PDE1A: variants seen among roughly 807,000 people sequenced by gnomAD.
PDE1A encodes the protein dual specificity calcium/calmodulin-dependent 3',5'-cyclic nucleotide phosphodiesterase 1A.
In PDE1A, 35 loss-of-function variants were observed where a neutral mutation model predicts 61.7. That is an observed-to-expected ratio of 0.57 (90% CI 0.43 to 0.75). The LOEUF is 0.75. Ranked by LOEUF, PDE1A falls within the 30% of genes least tolerant of loss-of-function variation. The pLI is 0.00. For synonymous variants in PDE1A, 232 were observed against 213.2 expected, an observed-to-expected ratio of 1.09 and a Z score of -0.77; for missense variants, 597 against 630.6, an observed-to-expected ratio of 0.95 and a Z score of 0.57.
chr2:182,602,156 C>A, the PDE1A span, among the ~76,000 whole-genome samples: 1 of 152,240 alleles, frequency 6.6e-6, no homozygotes, highest in Non-Finnish European at 1.5e-5. Context: ...GCAGGCATTT[C>A]TGAGCCTATG....
chr2:182,422,060 G>T (rs1413549024), intron 1 of PDE1A, among the ~76,000 whole-genome samples: 1 of 152,170 alleles, frequency 6.6e-6, no homozygotes, highest in African/African-American at 2.4e-5. Flanking sequence ...TCTGAATGCT[G>T]TGAAGATCCC....
chr2:182,524,585 A>T (rs1185904863), upstream of PDE1A, among the ~76,000 whole-genome samples: 1 of 152,152 alleles, frequency 6.6e-6, no homozygotes, highest in African/African-American at 2.4e-5. Flanking sequence ...TCATTTCATT[A>T]AATGTTTCAT....
At chr2:182,303,400 T>C (rs1025215324) in intron 1 of PDE1A, among the ~76,000 whole-genome samples, 3 of 152,220 alleles carry the variant, frequency 2.0e-5, no homozygotes, top group Non-Finnish European at 4.4e-5. Flanking sequence ...CAATGAGTAG[T>C]GACATTTGAA....
chr2:182,383,881 C>T (rs1016210933), intron 1 of PDE1A, among the ~76,000 whole-genome samples: 5 of 152,164 alleles, frequency 3.3e-5, no homozygotes, highest in Admixed American at 3.3e-4. Context: ...CAGGACTTTG[C>T]CTTGGATTCC....
At position 182,501,708 on chromosome 2, in the gene PDE1A, T is replaced by C. The variant is rs192747244; in HGVS notation, c.101+20568A>G. Reference sequence around the variant, plus strand: ...GCCCTATTCTAGCAATTCATTACCGTCTTCTCTACCACCAATTCATTGACC... The same window carrying C: ...GCCCTATTCTAGCAATTCATTACCGCCTTCTCTACCACCAATTCATTGACC... On this transcript the variant is annotated intron_variant, in intron 2 of 14. Transcript: ENST00000410103. 1.5e-3 allele frequency among the ~76,000 whole-genome samples: 221 copies of C among 152,314 alleles called. 2 individuals are homozygous for C. Among genetic ancestry groups the C allele is most frequent in the African/African-American group, 5.1e-3 (212 of 41,582 alleles).
the PDE1A span, among the ~76,000 whole-genome samples, chr2:182,530,331 ATGCC>A: frequency 6.6e-6 from 1 of 152,144 alleles, no homozygotes; most frequent in Non-Finnish European, 1.5e-5. Flanking sequence ...AGATGAAAAG[ATGCC>A]AGATGAAAAG....
chr2:182,557,848 G>A, the PDE1A span, among the ~76,000 whole-genome samples: 1 of 152,076 alleles, frequency 6.6e-6, no homozygotes, highest in Non-Finnish European at 1.5e-5. Flanking sequence ...AACATCCATA[G>A]CTTGAGCAAA....
chr2:182,626,724 T>TATATATATACATATATATATAC, the PDE1A span, among the ~76,000 whole-genome samples: 5 of 13,128 alleles, frequency 3.8e-4, 1 homozygote, highest in Admixed American at 5.2e-3. Flanking sequence ...GCTTTATATA[T>TATATATATACATATATATATAC]ATATATATAT....
the PDE1A span, among the ~76,000 whole-genome samples, chr2:182,616,440 A>C: frequency 6.6e-6 from 1 of 152,248 alleles, no homozygotes; most frequent in Admixed American, 6.5e-5. Context: ...GAAGATACCC[A>C]CTGTAAGGAT....
At chr2:182,282,376 C>A (rs939595938) in intron 1 of PDE1A, among the ~76,000 whole-genome samples, 1 of 151,914 alleles carries the variant, frequency 6.6e-6, no homozygotes, top group African/African-American at 2.4e-5. Context: ...ATGTTCTGCC[C>A]TAATTTTAGC....
chr2:182,512,120 G>A (rs913895366), intron 2 of PDE1A, among the ~76,000 whole-genome samples: 9 of 152,056 alleles, frequency 5.9e-5, no homozygotes, highest in African/African-American at 7.2e-5. Context: ...CTACCCTACC[G>A]CCACTATCGC....
the PDE1A span, among the ~76,000 whole-genome samples, chr2:182,557,042 C>T: frequency 6.6e-6 from 1 of 152,182 alleles, no homozygotes; most frequent in Admixed American, 6.5e-5. Context: ...TGCCTGTAAT[C>T]CCAGCACTTT....
At chr2:182,515,966 G>A (rs1037613010) in intron 2 of PDE1A, among the ~76,000 whole-genome samples, 1 of 133,304 alleles carries the variant, frequency 7.5e-6, no homozygotes, top group Non-Finnish European at 1.6e-5. Flanking sequence ...GTGTGTGTGT[G>A]TGTGTGTGTG....
chr2:182,567,773 CTTTT>C, the PDE1A span, among the ~76,000 whole-genome samples: 8 of 147,278 alleles, frequency 5.4e-5, no homozygotes, highest in African/African-American at 1.7e-4. Flanking sequence ...TTAATGTTTA[CTTTT>C]TTTTTCTTTT....
At chr2:182,391,976 A>T (rs1015989653) in intron 1 of PDE1A, among the ~76,000 whole-genome samples, 3 of 152,186 alleles carry the variant, frequency 2.0e-5, no homozygotes, top group African/African-American at 7.2e-5. Flanking sequence ...CAGTTAACAG[A>T]GCCAGAACCC....
the PDE1A span, among the ~76,000 whole-genome samples, chr2:182,694,523 G>A: frequency 6.6e-6 from 1 of 152,182 alleles, no homozygotes; most frequent in South Asian, 2.1e-4. Context: ...AGTCAGGTTT[G>A]AAACACCCAG....
intron 1 of PDE1A, among the ~76,000 whole-genome samples, chr2:182,267,606 A>C (rs985412407): frequency 6.6e-6 from 1 of 152,142 alleles, no homozygotes; most frequent in Non-Finnish European, 1.5e-5. Context: ...AAACCTTTAT[A>C]TTGTAAAAAT....
At chr2:182,693,421 T>C in the PDE1A span, among the ~76,000 whole-genome samples, 1 of 152,224 alleles carries the variant, frequency 6.6e-6, no homozygotes, top group African/African-American at 2.4e-5. Flanking sequence ...TCCTAGCAGC[T>C]AATAATGTGC....
At chr2:182,453,591 T>C (rs991471671) in intron 2 of PDE1A, among the ~76,000 whole-genome samples, 8 of 152,144 alleles carry the variant, frequency 5.3e-5, no homozygotes, top group Admixed American at 3.9e-4. Context: ...GCTTCATCCC[T>C]GGGATGCAAG....
Sources: gnomAD v4.1 joint callset for allele counts (sites outside exome capture counted in the v4.1 genomes callset) on GRCh38, gnomAD v4.1.1 for gene constraint, MANE v1.5 for transcripts, NCBI Gene and HGNC (gene_info 2026-07-23, HGNC 2026-07-21) for gene names.